Variants in MED26 observed in about 807,000 individuals in gnomAD.
MED26 encodes mediator complex subunit 26.
A neutral mutation model predicts 43.7 loss-of-function variants in MED26; 7 were observed. The observed-to-expected ratio is 0.16, with a 90% CI of 0.09 to 0.30. The LOEUF is 0.30. Among genes scored for constraint, MED26 ranks in the 10% least tolerant of loss-of-function variants. MED26 has a pLI of 1.00. For synonymous variants in MED26, 375 were observed against 371.1 expected, an observed-to-expected ratio of 1.01 and a Z score of -0.12; for missense variants, 784 against 840.6, an observed-to-expected ratio of 0.93 and a Z score of 0.83.
intron 1 of MED26, among the ~76,000 whole-genome samples, chr19:16,608,714 C>T (rs2086185319): frequency 6.6e-6 from 1 of 152,232 alleles, no homozygotes; most frequent in Non-Finnish European, 1.5e-5. Context: ...CGCTCATTCA[C>T]TCACATACTG....
At chr19:16,612,688 C>A (rs1349874935) in intron 1 of MED26, among the ~76,000 whole-genome samples, 1 of 152,192 alleles carries the variant, frequency 6.6e-6, no homozygotes, top group Non-Finnish European at 1.5e-5. Flanking sequence ...ATCATCCCCA[C>A]CTGCAACTGC....
chr19:16,592,534 CA>C (rs2086102526), intron 1 of MED26, among the ~76,000 whole-genome samples: 1 of 152,212 alleles, frequency 6.6e-6, no homozygotes, highest in Non-Finnish European at 1.5e-5. Context: ...AGGATGTTAG[CA>C]AATCACGCCA....
intron 1 of MED26, among the ~76,000 whole-genome samples, chr19:16,596,663 G>T (rs2086121193): frequency 6.6e-6 from 1 of 152,212 alleles, no homozygotes; most frequent in Admixed American, 6.5e-5. Flanking sequence ...ATGCTGGGCA[G>T]GATGCGGGGT....
chr19:16,624,918 C>T (rs1024882241), intron 1 of MED26, among the ~76,000 whole-genome samples: 1 of 152,186 alleles, frequency 6.6e-6, no homozygotes, highest in Admixed American at 6.5e-5. Context: ...AGCTTGCGTG[C>T]TGCACAGGAA....
chr19:16,621,909 C>T (rs1045903911), intron 1 of MED26, among the ~76,000 whole-genome samples: 1 of 152,140 alleles, frequency 6.6e-6, no homozygotes, highest in Non-Finnish European at 1.5e-5. Context: ...CCATGTAATG[C>T]TACCCCAAGG....
At chr19:16,609,084 G>A (rs2086186843) in intron 1 of MED26, among the ~76,000 whole-genome samples, 1 of 152,092 alleles carries the variant, frequency 6.6e-6, no homozygotes, top group South Asian at 2.1e-4. Flanking sequence ...GGAGGCTGAG[G>A]CAGGTGGGTC....
chr19:16,605,787 G>A (rs565015761), intron 1 of MED26, among the ~76,000 whole-genome samples: 51 of 152,190 alleles, frequency 3.4e-4, no homozygotes, highest in Non-Finnish European at 6.3e-4. Context: ...CCATGGCACC[G>A]GGAGGAAGAG....
chr19:16,584,664 T>C (rs1190828302), intron 1 of MED26, among the ~76,000 whole-genome samples: 1 of 152,206 alleles, frequency 6.6e-6, no homozygotes. Flanking sequence ...TCCTCGTCTT[T>C]CAGTGACACT....
At chr19:16,615,605 G>C (rs1367365396) in intron 1 of MED26, among the ~76,000 whole-genome samples, 1 of 152,134 alleles carries the variant, frequency 6.6e-6, no homozygotes, top group African/African-American at 2.4e-5. Context: ...AATTAGCTGG[G>C]TGTGGTGGCA....
chr19:16,624,629 T>C (rs922029703), intron 1 of MED26: 5 of 152,222 alleles, frequency 3.3e-5, no homozygotes, highest in African/African-American at 1.2e-4. Context: ...TTGTTAATCA[T>C]CACTTAACAT....
chr19:16,591,146 A>G (rs1568282963), intron 1 of MED26, among the ~76,000 whole-genome samples: 1 of 152,146 alleles, frequency 6.6e-6, no homozygotes, highest in East Asian at 1.9e-4. Flanking sequence ...GGTCCTAGGA[A>G]AAGTAGGAGG....
rs140599567 is a variant in MED26, at chr19:16,595,314, C to T, written c.73-16905G>A. ...ACATTGGGCCTAATGCTGTGCTGAC[C>T]GAGCACACCGAGGGAAGCAAGAAGG... is the stretch of plus-strand genomic sequence containing the variant. On this transcript the variant is annotated intron_variant, in intron 1 of 2. Transcript: ENST00000263390. Among the ~76,000 whole-genome samples, 1,012 of 152,234 alleles carry T rather than the reference C, an allele frequency of 6.6e-3. 12 individuals are homozygous for T. The highest frequency in any genetic ancestry group is 0.023 in the African/African-American group (964 of 41,520).
chr19:16,592,686 G>A (rs1051520821), intron 1 of MED26, among the ~76,000 whole-genome samples: 1 of 152,124 alleles, frequency 6.6e-6, no homozygotes, highest in Non-Finnish European at 1.5e-5. Flanking sequence ...GGTCAAAACG[G>A]CACCCCCTTC....
chr19:16,619,844 C>T lies in MED26; in HGVS notation c.72+8028G>A, dbSNP rs548528450. On this transcript the variant is annotated intron_variant, in intron 1 of 2. Coordinates refer to ENST00000263390, the MANE Select transcript of MED26 (RefSeq NM_004831.5). ...AGGCTGACCCACCACCAGGGTGTGG[C>T]CTGGACAAAGCAGCACCCTACTTTC... Among the ~76,000 whole-genome samples the T allele has an allele frequency of 7.6e-4, 115 of 152,308 alleles. 4 individuals carry two copies. Among genetic ancestry groups the T allele is most frequent in the Middle Eastern group, 6.8e-3 (2 of 294 alleles).
At chr19:16,598,637 G>A (rs1380806346) in intron 1 of MED26, among the ~76,000 whole-genome samples, 1 of 152,156 alleles carries the variant, frequency 6.6e-6, no homozygotes, top group African/African-American at 2.4e-5. Context: ...AACAACTGCT[G>A]TTCCCCTGCA....
chr19:16,598,671 C>G (rs1475956445), intron 1 of MED26, among the ~76,000 whole-genome samples: 1 of 152,190 alleles, frequency 6.6e-6, no homozygotes, highest in Non-Finnish European at 1.5e-5. Flanking sequence ...GTTCCACCAC[C>G]AGCACTGACA....
rs1283447639 is a variant in MED26 at position 16,595,950 on chromosome 19, G to A, written c.73-17541C>T. 6.6e-5 allele frequency among the ~76,000 whole-genome samples: 10 copies of A among 152,322 alleles called. 1 individual carries two copies. In the South Asian group the frequency reaches 2.1e-3, roughly 32 times the overall value. On this transcript the variant is annotated intron_variant, in intron 1 of 2. Transcript: ENST00000263390. Reference sequence around the variant, plus strand: ...TTTCCTTAGGAATCAATTCCCAGGTGTTAAACTTTACTCCAAGAGAGTTCA... The same window carrying A: ...TTTCCTTAGGAATCAATTCCCAGGTATTAAACTTTACTCCAAGAGAGTTCA...
intron 1 of MED26, among the ~76,000 whole-genome samples, chr19:16,614,623 A>C (rs1599346909): frequency 6.6e-6 from 1 of 152,132 alleles, no homozygotes; most frequent in East Asian, 1.9e-4. Flanking sequence ...TGTGGGCCTG[A>C]GGGGTTCACC....
At position 16,627,813 on chromosome 19, in the gene MED26, G is replaced by A. The variant is rs1035207982; in HGVS notation, c.72+59C>T. On this transcript the variant is annotated intron_variant, in intron 1 of 2. Transcript: ENST00000263390. ...AGCCCGGTGGGCGAGGGGTACAGGAGAGGGGGAGGGTCCCGGGCCCATGCG... is the reference window on the plus strand; with the variant it reads ...AGCCCGGTGGGCGAGGGGTACAGGAAAGGGGGAGGGTCCCGGGCCCATGCG... The A allele has an allele frequency of 6.1e-6, 8 of 1,303,048 alleles. No homozygotes were observed. In the East Asian group the frequency reaches 1.9e-4, roughly 30 times the overall value. 80.7% of individuals were successfully genotyped at this position (1,303,048 alleles called of 1,614,324 possible).
Sources: allele counts gnomAD v4.1 joint callset (sites outside exome capture counted in the v4.1 genomes callset), GRCh38; gene constraint gnomAD v4.1.1; transcripts MANE v1.5; gene names NCBI Gene and HGNC (gene_info 2026-07-23, HGNC 2026-07-21).